Variants in NTRK3 observed in about 807,000 individuals in gnomAD.
NTRK3 encodes neurotrophic receptor tyrosine kinase 3, also known as NT-3 growth factor receptor.
NTRK3 carries 24 observed loss-of-function variants against 91.7 expected under a neutral mutation model. That is an observed-to-expected ratio of 0.26 (90% CI 0.19 to 0.37). The LOEUF is 0.37. NTRK3 is among the 10% of genes least tolerant of loss of function. The pLI, the probability that NTRK3 is intolerant of heterozygous loss-of-function variation, is 1.00. For missense variants in NTRK3, 880 were observed against 1,068.9 expected, an observed-to-expected ratio of 0.82 and a Z score of 2.46; for synonymous variants, 483 against 404.0, an observed-to-expected ratio of 1.20 and a Z score of -2.34.
chr15:88,056,846 A>G (rs1342707873), intron 13 of NTRK3, among the ~76,000 whole-genome samples: 1 of 152,208 alleles, frequency 6.6e-6, no homozygotes, highest in Non-Finnish European at 1.5e-5. Flanking sequence ...CACTTAAGCA[A>G]TAATCTCATT....
At chr15:87,972,750 A>G (rs2073362461) in intron 14 of NTRK3, among the ~76,000 whole-genome samples, 2 of 152,180 alleles carry the variant, frequency 1.3e-5, no homozygotes, top group Non-Finnish European at 2.9e-5. Flanking sequence ...TTGGTTTGAA[A>G]GTCCCACCAG....
At chr15:88,035,891 G>A (rs1277864463) in intron 13 of NTRK3, among the ~76,000 whole-genome samples, 39 of 152,060 alleles carry the variant, frequency 2.6e-4, no homozygotes, top group Non-Finnish European at 1.0e-4. Flanking sequence ...TGGAAATTAC[G>A]ATCGTCAAAA....
chr15:87,932,842 C>A (rs2068925842), intron 16 of NTRK3, among the ~76,000 whole-genome samples, 170 bp downstream of exon 16: 1 of 152,048 alleles, frequency 6.6e-6, no homozygotes, highest in South Asian at 2.1e-4. Flanking sequence ...GGGACAAAGG[C>A]CTGAATCTGG....
At chr15:88,091,821 A>G (rs900668368) in intron 13 of NTRK3, among the ~76,000 whole-genome samples, 3 of 152,192 alleles carry the variant, frequency 2.0e-5, no homozygotes, top group Admixed American at 2.0e-4. Context: ...CTCACCTGCC[A>G]GCCTAGTGTC....
At chr15:88,112,984 G>A (rs2051590976) in intron 13 of NTRK3, among the ~76,000 whole-genome samples, 2 of 152,180 alleles carry the variant, frequency 1.3e-5, no homozygotes, top group Admixed American at 6.5e-5. Context: ...GGACCTGTGT[G>A]TGCCCGATGC....
intron 13 of NTRK3, among the ~76,000 whole-genome samples, chr15:88,065,297 C>G (rs2046554641): frequency 6.6e-6 from 1 of 152,202 alleles, no homozygotes; most frequent in African/African-American, 2.4e-5. Context: ...ATAATCATAG[C>G]TTCTAGCTCT....
intron 13 of NTRK3, among the ~76,000 whole-genome samples, chr15:88,083,475 G>A (rs1402784249): frequency 1.3e-5 from 2 of 152,182 alleles, no homozygotes; most frequent in Non-Finnish European, 2.9e-5. Context: ...ACCTGCCTCA[G>A]TCTCCCAAAG....
chr15:88,030,566 A>T (rs2078438278), intron 14 of NTRK3, among the ~76,000 whole-genome samples: 1 of 152,174 alleles, frequency 6.6e-6, no homozygotes, highest in South Asian at 2.1e-4. Context: ...AGCTTCCACT[A>T]AAGAGGACAG....
At chr15:88,038,345 C>T (rs536988915) in intron 13 of NTRK3, among the ~76,000 whole-genome samples, 2 of 152,216 alleles carry the variant, frequency 1.3e-5, no homozygotes, top group East Asian at 3.9e-4. Context: ...CCATAAACTA[C>T]ATTCCTTAAA....
chr15:87,929,284 C>T (rs2141911769), exon 17 of NTRK3: 1 of 1,614,118 alleles, frequency 6.2e-7, no homozygotes, highest in Non-Finnish European at 8.5e-7. Flanking sequence ...TCCTGGTGGC[C>T]AGGTCTCGGT....
At chr15:88,093,737 T>C (rs1167447292) in intron 13 of NTRK3, among the ~76,000 whole-genome samples, 1 of 152,098 alleles carries the variant, frequency 6.6e-6, no homozygotes, top group Non-Finnish European at 1.5e-5. Context: ...CAGGGTTCTT[T>C]CTTTGGACTC....
At chr15:87,892,112 A>ACACACACG (rs2065885637) in intron 17 of NTRK3, among the ~76,000 whole-genome samples, 2 of 150,526 alleles carry the variant, frequency 1.3e-5, no homozygotes, top group Non-Finnish European at 3.0e-5. Context: ...ACACACACAC[A>ACACACACG]CGCACGCACA....
rs567144609 is a variant in NTRK3 at position 87,969,602 on chromosome 15, C to T, written c.1586-28849G>A. ...TACATCTTCTGTGCTATAAATAATT[C>T]AGAGTTTTCTTTTTTCTTAAATATC... On this transcript the variant is annotated intron_variant, in intron 14 of 18. Transcript: ENST00000394480. Among the ~76,000 whole-genome samples the T allele has an allele frequency of 5.9e-5, 9 of 152,254 alleles. No individual in the cohort carries two copies. In the East Asian group the frequency reaches 1.5e-3, roughly 26 times the overall value.
intron 13 of NTRK3, among the ~76,000 whole-genome samples, chr15:88,043,127 C>T (rs1212065424): frequency 6.6e-6 from 1 of 152,162 alleles, no homozygotes; most frequent in African/African-American, 2.4e-5. Context: ...ATTCATAGCA[C>T]AGGAATGGCC....
intron 14 of NTRK3, among the ~76,000 whole-genome samples, chr15:87,953,725 C>T (rs2071379612): frequency 6.6e-6 from 1 of 152,184 alleles, no homozygotes; most frequent in South Asian, 2.1e-4. Context: ...TCCTTCTATG[C>T]TCTGCAGAAG....
At chr15:88,142,244 A>T (rs889468757) in intron 6 of NTRK3, among the ~76,000 whole-genome samples, 5 of 152,212 alleles carry the variant, frequency 3.3e-5, no homozygotes, top group Non-Finnish European at 7.3e-5. Context: ...CTTTGGGGGC[A>T]GTCCTGCGGA....
intron 14 of NTRK3, among the ~76,000 whole-genome samples, chr15:87,985,046 T>C (rs908761827): frequency 6.6e-6 from 1 of 152,126 alleles, no homozygotes. Flanking sequence ...TGAATGCCCC[T>C]AAAATACCAA....
At chr15:88,182,740 C>G (rs539174190) in intron 5 of NTRK3, among the ~76,000 whole-genome samples, 6 of 152,294 alleles carry the variant, frequency 3.9e-5, no homozygotes, top group African/African-American at 1.2e-4. Flanking sequence ...AATGGCAGTC[C>G]TCATTAAATC....
intron 3 of NTRK3, among the ~76,000 whole-genome samples, chr15:88,212,139 T>C (rs1052174468): frequency 6.6e-6 from 1 of 152,178 alleles, no homozygotes; most frequent in East Asian, 1.9e-4. Context: ...GAGGCCGAGG[T>C]GGGCACATCA....
Sources: gnomAD v4.1 joint callset for allele counts (sites outside exome capture counted in the v4.1 genomes callset) on GRCh38, gnomAD v4.1.1 for gene constraint, MANE v1.5 for transcripts, NCBI Gene and HGNC (gene_info 2026-07-23, HGNC 2026-07-21) for gene names.